EGLN3: variants seen among roughly 807,000 people sequenced by gnomAD.
EGLN3 encodes egl-9 family hypoxia inducible factor 3.
In EGLN3, 15 loss-of-function variants were observed where a neutral mutation model predicts 26.0. That is an observed-to-expected ratio of 0.58 (90% CI 0.39 to 0.89). The LOEUF is 0.89. Ranked by LOEUF, EGLN3 falls within the 40% of genes least tolerant of loss-of-function variation. The pLI, the probability that EGLN3 is intolerant of heterozygous loss-of-function variation, is 0.00. For synonymous variants in EGLN3, 147 were observed against 127.2 expected, an observed-to-expected ratio of 1.16 and a Z score of -1.05; for missense variants, 238 against 311.6, an observed-to-expected ratio of 0.76 and a Z score of 1.78.
intron 2 of EGLN3, 152 bp downstream of exon 2, chr14:33,930,944 A>C: frequency 8.2e-7 from 1 of 1,216,180 alleles, no homozygotes; most frequent in Non-Finnish European, 1.1e-6. Flanking sequence ...GACTAATTCC[A>C]TTGTCGCAGG....
At chr14:33,931,328 A>G (rs2064402160) in intron 1 of EGLN3, 113 bp from the exon 2 acceptor site, 1 of 1,500,636 alleles carries the variant, frequency 6.7e-7, no homozygotes, top group Non-Finnish European at 9.0e-7. Context: ...TGACATTTAC[A>G]GGTAGTTGCT....
rs1157732458 is a variant in EGLN3, at chr14:33,924,724, TGCA to T, written c.*1164_*1166del. ...TTGAGGCAGTGCGATCTGTGCTTACTGCAGGAGTAGAAGCTTCCACAGTTCTAG... is the reference window on the plus strand; with the variant it reads ...TTGAGGCAGTGCGATCTGTGCTTACTGGAGTAGAAGCTTCCACAGTTCTAG... On this transcript the variant is annotated 3_prime_UTR_variant, in exon 5 of 5. Coordinates refer to ENST00000250457, the MANE Select transcript of EGLN3 (RefSeq NM_022073.4). The T allele has an allele frequency of 4.6e-5, 7 of 152,240 alleles. No individual in the cohort carries two copies. In the East Asian group the frequency reaches 1.2e-3, roughly 25 times the overall value. 9.4% of individuals were successfully genotyped at this position (152,240 alleles called of 1,614,324 possible). A position where few individuals can be genotyped will look rare whatever the true frequency, so the allele number is the denominator to read the frequency against.
rs551001434 is a variant in EGLN3 at position 33,929,410 on chromosome 14, T to A, written c.478-198A>T. Among the ~76,000 whole-genome samples the A allele has an allele frequency of 7.2e-5, 11 of 152,332 alleles. No individual in the cohort carries two copies. The East Asian group carries it at 1.9e-3, about 27-fold the overall frequency. On this transcript the variant is annotated intron_variant, in intron 2 of 4. Transcript: ENST00000250457. ...TCTTGTTGCCCAGGCTGGAGTGCAATGGCACGATCTCGTTTCACTGCCACT... is the reference window on the plus strand; with the variant it reads ...TCTTGTTGCCCAGGCTGGAGTGCAAAGGCACGATCTCGTTTCACTGCCACT...
At chr14:33,929,540 C>T (rs1362684926) in intron 2 of EGLN3, among the ~76,000 whole-genome samples, 6 of 152,252 alleles carry the variant, frequency 3.9e-5, no homozygotes, top group South Asian at 4.1e-4. Flanking sequence ...TTAGTAGAGA[C>T]GGGGTTTCCC....
At chr14:33,941,585 A>C (rs1490968733) in intron 1 of EGLN3, among the ~76,000 whole-genome samples, 1 of 149,016 alleles carries the variant, frequency 6.7e-6, no homozygotes, top group Non-Finnish European at 1.5e-5. Flanking sequence ...TTTTTTTTTA[A>C]CATTCAAATA....
At chr14:33,937,070 T>A (rs896776385) in intron 1 of EGLN3, among the ~76,000 whole-genome samples, 24 of 152,236 alleles carry the variant, frequency 1.6e-4, no homozygotes, top group Admixed American at 3.9e-4. Flanking sequence ...CAGAACAATG[T>A]TCACAGGGCC....
At chr14:33,935,856 A>G (rs1044122858) in intron 1 of EGLN3, among the ~76,000 whole-genome samples, 2 of 152,098 alleles carry the variant, frequency 1.3e-5, no homozygotes, top group Admixed American at 6.6e-5. Flanking sequence ...CACCCAGTAC[A>G]GAGCAACAGA....
intron 1 of EGLN3, among the ~76,000 whole-genome samples, chr14:33,943,300 G>A (rs1338612497): frequency 6.6e-6 from 1 of 152,172 alleles, no homozygotes; most frequent in African/African-American, 2.4e-5. Context: ...TTTGTCTGTT[G>A]TATTTACAAT....
At chr14:33,938,188 A>T (rs958419653) in intron 1 of EGLN3, among the ~76,000 whole-genome samples, 3 of 152,228 alleles carry the variant, frequency 2.0e-5, no homozygotes, top group African/African-American at 7.2e-5. Flanking sequence ...ACTGTGCGGG[A>T]TCAAGATTCT....
chr14:33,933,313 T>A (rs1209200351), intron 1 of EGLN3, among the ~76,000 whole-genome samples: 10 of 21,808 alleles, frequency 4.6e-4, no homozygotes, highest in African/African-American at 6.4e-4. Flanking sequence ...ATTAAAATAT[T>A]GAAAAAAAAA....
intron 1 of EGLN3, among the ~76,000 whole-genome samples, chr14:33,938,709 T>C (rs183792722): frequency 5.4e-4 from 83 of 152,366 alleles, no homozygotes; most frequent in Non-Finnish European, 8.8e-4. Flanking sequence ...TCCTTTCTGA[T>C]GCCTTTCCCC....
chr14:33,932,863 G>A (rs2064414235), intron 1 of EGLN3, among the ~76,000 whole-genome samples: 1 of 152,226 alleles, frequency 6.6e-6, no homozygotes, highest in African/African-American at 2.4e-5. Flanking sequence ...AGCAAGAGAA[G>A]AAGAGACAAA....
Position 33,924,484 on chromosome 14 carries a change from C to A in EGLN3, c.*1407G>T, listed in dbSNP as rs2064346897. The stretch of plus-strand genomic sequence containing the variant: ...GAGAATTAATGGTGACATGTCTTAT[C>A]TGGAAATTTTCCAAAACCAGAAGAG... On this transcript the variant is annotated 3_prime_UTR_variant, in exon 5 of 5. Coordinates refer to ENST00000250457, the MANE Select transcript of EGLN3 (RefSeq NM_022073.4). 1 of 152,054 alleles carries A rather than the reference C, an allele frequency of 6.6e-6. No individual in the cohort carries two copies. Among genetic ancestry groups the A allele is most frequent in the Non-Finnish European group, 1.5e-5 (1 of 68,006 alleles). 9.4% of individuals were successfully genotyped at this position (152,054 alleles called of 1,614,324 possible). A position where few individuals can be genotyped will look rare whatever the true frequency, so the allele number is the denominator to read the frequency against.
At chr14:33,947,203 T>C (rs2064523975) in intron 1 of EGLN3, among the ~76,000 whole-genome samples, 1 of 152,198 alleles carries the variant, frequency 6.6e-6, no homozygotes, top group Non-Finnish European at 1.5e-5. Flanking sequence ...ATGACCAATA[T>C]TTATCTTGGA....
At chr14:33,946,881 C>T (rs1769619) in intron 1 of EGLN3, among the ~76,000 whole-genome samples, 38,276 of 152,218 alleles carry the variant, frequency 0.25, 5,671 homozygotes, top group Non-Finnish European at 0.35. Flanking sequence ...TAACACTGAG[C>T]CTGAGCTCCC....
chr14:33,931,327 C>A (rs560146626), intron 1 of EGLN3, 112 bp from the exon 2 acceptor site: 593 of 1,500,196 alleles, frequency 4.0e-4, no homozygotes, highest in Non-Finnish European at 5.1e-4. Flanking sequence ...GTGACATTTA[C>A]AGGTAGTTGC....
chr14:33,931,010 A>G, intron 2 of EGLN3, 86 bp downstream of exon 2: 1 of 1,552,882 alleles, frequency 6.4e-7, no homozygotes, highest in Non-Finnish European at 8.7e-7. Flanking sequence ...GCAACTATGA[A>G]CTCAATATAA....
At chr14:33,943,586 A>G (rs2064497939) in intron 1 of EGLN3, among the ~76,000 whole-genome samples, 1 of 152,224 alleles carries the variant, frequency 6.6e-6, no homozygotes, top group Non-Finnish European at 1.5e-5. Flanking sequence ...ACAGATCAAA[A>G]TGTAATTTAA....
chr14:33,950,996 C>T lies in EGLN3; in HGVS notation c.-244G>A. On this transcript the variant is annotated 5_prime_UTR_variant, in exon 1 of 5. Coordinates refer to ENST00000250457, the MANE Select transcript of EGLN3 (RefSeq NM_022073.4). ...GCTCCACGACCCGTTTCCGGACTGG[C>T]CCGGCGAGCAGTGCGGCGCAAGGAG... 1 of 539,512 alleles carries T rather than the reference C, an allele frequency of 1.9e-6. No individual in the cohort carries two copies. 33.4% of individuals were successfully genotyped at this position (539,512 alleles called of 1,614,324 possible).
Sources: allele counts gnomAD v4.1 joint callset (sites outside exome capture counted in the v4.1 genomes callset), GRCh38; gene constraint gnomAD v4.1.1; transcripts MANE v1.5; gene names NCBI Gene and HGNC (gene_info 2026-07-23, HGNC 2026-07-21).